DTNA: variants seen among roughly 807,000 people sequenced by gnomAD.
DTNA encodes dystrophin-related protein 3.
In DTNA, 43 loss-of-function variants were observed where a neutral mutation model predicts 100.7. The ratio of observed to expected loss-of-function variants is 0.43; its 90% CI spans 0.33 to 0.55. DTNA has a LOEUF of 0.55. DTNA is among the 20% of genes least tolerant of loss of function. The pLI is 0.04. For missense variants in DTNA, 798 were observed against 953.9 expected (o/e 0.84, Z 2.15); for synonymous variants, 349 against 347.9 (o/e 1.00, Z -0.04).
At chr18:34,769,753 C>CTTTTTTTTTTT (rs1568462894) in intron 3 of DTNA, among the ~76,000 whole-genome samples, 13 of 33,138 alleles carry the variant, frequency 3.9e-4, no homozygotes, top group Middle Eastern at 0.02. Flanking sequence ...CAGAGTTTCA[C>CTTTTTTTTTTT]TCTTTTTTCC....
In DTNA at chr18:34,889,867, T is replaced by A; in HGVS notation, c.*2133T>A. 4 of 996,108 alleles carry A rather than the reference T, an allele frequency of 4.0e-6. No homozygotes were observed. The highest frequency in any genetic ancestry group is 4.8e-6 in the Non-Finnish European group (4 of 836,392). The allele number at this position is 996,108 out of a possible 1,614,324, so 61.7% of individuals were successfully genotyped here. On this transcript the variant is annotated 3_prime_UTR_variant, in exon 23 of 23. Coordinates refer to ENST00000444659, the MANE Select transcript of DTNA (RefSeq NM_001386795.1). ...GATTGATTTTTATTGCGGGTTTTGT[T>A]GGGGTGTCTTAATGTTCATCTCTTT...
At position 34,547,358 on chromosome 18, in the gene DTNA, C is replaced by T. The variant is rs533522876; in HGVS notation, c.-2+53844C>T. On this transcript the variant is annotated intron_variant, in intron 1 of 19. Transcript: ENST00000283365. ...AGCTTCGTGCCTTCATTTCCCCCAA[C>T]GTTCATCATAAAGAAAGCTATAAGT... Among the ~76,000 whole-genome samples, 23 of 152,168 alleles carry T rather than the reference C, an allele frequency of 1.5e-4. No homozygotes were observed. The East Asian group carries it at 1.7e-3, about 12-fold the overall frequency.
intron 1 of DTNA, 63 bp downstream of exon 1, chr18:34,710,508 C>G (rs1003480762): frequency 6.6e-6 from 1 of 152,182 alleles, no homozygotes; most frequent in Non-Finnish European, 1.5e-5. Flanking sequence ...GCATAACTTG[C>G]TGGGTGGAAT....
chr18:34,882,129 T>C lies in DTNA; in HGVS notation c.2223T>C (p.Ser741=). Residue 741 remains serine, a synonymous_variant, in exon 21 of 23, where the codon TCT becomes TCC. Transcript: ENST00000444659. The part of the protein sequence containing the change: ...QPEDENYEND[S]VRQLENELQM... ...AAGATGAAAACTATGAAAATGACTC[T>C]GTCCGGCAGCTGGAGAATGAGCTCC... is the stretch of plus-strand genomic sequence containing the variant. 2 of 1,614,118 alleles carry C rather than the reference T, an allele frequency of 1.2e-6. No homozygotes were observed. Among genetic ancestry groups the C allele is most frequent in the Non-Finnish European group, 1.7e-6 (2 of 1,180,004 alleles).
chr18:34,705,238 C>A (rs1425491962), intron 1 of DTNA, among the ~76,000 whole-genome samples: 1 of 152,150 alleles, frequency 6.6e-6, no homozygotes, highest in Non-Finnish European at 1.5e-5. Context: ...AGTATCAATT[C>A]TGTCTTGCCA....
chr18:34,654,813 G>A (rs566495027), intron 1 of DTNA, among the ~76,000 whole-genome samples: 2 of 151,918 alleles, frequency 1.3e-5, no homozygotes, highest in East Asian at 1.9e-4. Flanking sequence ...TGCAACCTCC[G>A]CCTCCTGGGT....
At chr18:34,866,001 G>A in intron 17 of DTNA, 1 of 1,240,930 alleles carries the variant, frequency 8.1e-7, no homozygotes. Flanking sequence ...GCCTGGACCT[G>A]CCGTCAAAGG....
At chr18:34,542,876 C>A (rs2044380843) in intron 1 of DTNA, among the ~76,000 whole-genome samples, 1 of 125,322 alleles carries the variant, frequency 8.0e-6, no homozygotes, top group Non-Finnish European at 1.7e-5. Flanking sequence ...TAAAAAGCAA[C>A]TACATTTCAC....
chr18:34,703,883 A>G (rs189393614), intron 1 of DTNA, among the ~76,000 whole-genome samples: 93 of 151,590 alleles, frequency 6.1e-4, no homozygotes, highest in African/African-American at 1.9e-3. Context: ...TTTCTTCAGT[A>G]TTTCCTTCTT....
At chr18:34,753,373 TTTTTTTTTTATTTTTTA>T (rs2092514817) in intron 1 of DTNA, among the ~76,000 whole-genome samples, 2 of 93,298 alleles carry the variant, frequency 2.1e-5, no homozygotes, top group African/African-American at 1.2e-4. Flanking sequence ...TTTATTTTTT[TTTTTTTTTTATTTTTTA>T]TTTTTTTTTT....
chr18:34,701,487 CG>C (rs1221464202), intron 1 of DTNA, among the ~76,000 whole-genome samples: 2 of 152,080 alleles, frequency 1.3e-5, no homozygotes, highest in Admixed American at 6.5e-5. Context: ...GGCATGATCT[CG>C]ATGTGTGCAG....
rs184705983 is a variant in DTNA at position 34,773,116 on chromosome 18, C to T, written c.148+7075C>T. On this transcript the variant is annotated intron_variant, in intron 3 of 22. Coordinates refer to ENST00000444659, the MANE Select transcript of DTNA (RefSeq NM_001386795.1). Reference sequence around the variant, plus strand: ...ATTTATGACTAGCCAGAGAAGTCTCCTTGCTTTTCAGTGACTCACGTGTTT... The same window carrying T: ...ATTTATGACTAGCCAGAGAAGTCTCTTTGCTTTTCAGTGACTCACGTGTTT... Among the ~76,000 whole-genome samples, 17 of 152,302 alleles carry T rather than the reference C, an allele frequency of 1.1e-4. No individual in the cohort carries two copies. In the East Asian group the frequency reaches 3.1e-3, roughly 28 times the overall value.
At chr18:34,567,694 TTACC>T (rs2047206008) in intron 1 of DTNA, among the ~76,000 whole-genome samples, 1 of 152,174 alleles carries the variant, frequency 6.6e-6, no homozygotes, top group Admixed American at 6.5e-5. Context: ...AAAAAAAATT[TTACC>T]TAACTGCTAT....
intron 1 of DTNA, among the ~76,000 whole-genome samples, chr18:34,753,379 TTTTA>T (rs1568413018): frequency 1.7e-4 from 5 of 29,872 alleles, no homozygotes; most frequent in African/African-American, 5.4e-4. Flanking sequence ...TTTTTTTTTT[TTTTA>T]TTTTTTATTT....
chr18:34,728,691 G>T (rs1392214074), intron 1 of DTNA, among the ~76,000 whole-genome samples: 1 of 152,156 alleles, frequency 6.6e-6, no homozygotes, highest in East Asian at 1.9e-4. Flanking sequence ...CTGTTTCAAG[G>T]CTTTGCTTGT....
At chr18:34,575,941 A>T (rs762828483) in intron 1 of DTNA, among the ~76,000 whole-genome samples, 1 of 152,216 alleles carries the variant, frequency 6.6e-6, no homozygotes, top group Non-Finnish European at 1.5e-5. Context: ...TTCAACCAAG[A>T]CATTTCCAGT....
At chr18:34,748,158 G>A (rs1218366069) in intron 1 of DTNA, among the ~76,000 whole-genome samples, 1 of 151,980 alleles carries the variant, frequency 6.6e-6, no homozygotes, top group Admixed American at 6.6e-5. Flanking sequence ...GGGATTAGTT[G>A]TTATTTTCTT....
At chr18:34,577,801 G>A (rs1247175465) in intron 1 of DTNA, among the ~76,000 whole-genome samples, 1 of 149,074 alleles carries the variant, frequency 6.7e-6, no homozygotes, top group East Asian at 1.9e-4. Flanking sequence ...ATTCCATTGT[G>A]TGTATATGTA....
intron 1 of DTNA, among the ~76,000 whole-genome samples, chr18:34,597,727 C>T (rs560612862): frequency 2.0e-5 from 3 of 152,234 alleles, no homozygotes; most frequent in South Asian, 2.1e-4. Flanking sequence ...CACAATATGC[C>T]GTATACTATT....
Sources: allele counts gnomAD v4.1 joint callset (sites outside exome capture counted in the v4.1 genomes callset), GRCh38; gene constraint gnomAD v4.1.1; transcripts MANE v1.5; gene names NCBI Gene and HGNC (gene_info 2026-07-23, HGNC 2026-07-21).